The following CNTNAP5 variants were observed in gnomAD, a reference collection of about 807,000 sequenced individuals.
CNTNAP5 encodes the protein contactin-associated protein-like 5.
In CNTNAP5, 72 loss-of-function variants were observed where a neutral mutation model predicts 150.2. The observed-to-expected ratio is 0.48, with a 90% CI of 0.40 to 0.58. CNTNAP5 has a LOEUF of 0.58. Ranked by LOEUF, CNTNAP5 falls within the 20% of genes least tolerant of loss-of-function variation. CNTNAP5 has a pLI of 0.00. For missense variants in CNTNAP5, 1,636 were observed against 1,626.2 expected (o/e 1.01, Z -0.10); for synonymous variants, 672 against 619.8 (o/e 1.08, Z -1.25).
At chr2:124,301,870 T>A (rs1309820190) in intron 3 of CNTNAP5, among the ~76,000 whole-genome samples, 1 of 152,246 alleles carries the variant, frequency 6.6e-6, no homozygotes, top group African/African-American at 2.4e-5. Flanking sequence ...TTATGGACTA[T>A]ATTTTATTAT....
intron 13 of CNTNAP5, among the ~76,000 whole-genome samples, chr2:124,654,002 T>C (rs1412949722): frequency 7.1e-6 from 1 of 141,094 alleles, no homozygotes; most frequent in Admixed American, 7.9e-5. Flanking sequence ...TATCAGTGGA[T>C]GTGGGGAGCT....
intron 8 of CNTNAP5, among the ~76,000 whole-genome samples, chr2:124,509,206 A>G (rs1470400650): frequency 1.3e-5 from 2 of 152,196 alleles, no homozygotes; most frequent in African/African-American, 4.8e-5. Context: ...AGTAGTTCTT[A>G]TTTAGGGATT....
chr2:124,671,477 G>GA (rs2105057832), intron 13 of CNTNAP5, among the ~76,000 whole-genome samples: 1 of 152,092 alleles, frequency 6.6e-6, no homozygotes, highest in Admixed American at 6.5e-5. Flanking sequence ...GACAAAGGAG[G>GA]AAAAAATGTA....
At chr2:124,552,665 A>G (rs1413186550) in intron 10 of CNTNAP5, among the ~76,000 whole-genome samples, 5 of 152,206 alleles carry the variant, frequency 3.3e-5, no homozygotes, top group Admixed American at 3.3e-4. Flanking sequence ...TTGTGTGTGT[A>G]TATATGTGTG....
chr2:124,518,063 A>G (rs935017583), intron 8 of CNTNAP5, among the ~76,000 whole-genome samples: 1 of 152,004 alleles, frequency 6.6e-6, no homozygotes, highest in Non-Finnish European at 1.5e-5. Flanking sequence ...ATACCACAAG[A>G]CACCTACTCC....
intron 8 of CNTNAP5, among the ~76,000 whole-genome samples, chr2:124,513,964 A>T (rs1159326577): frequency 6.6e-6 from 1 of 152,198 alleles, no homozygotes; most frequent in East Asian, 1.9e-4. Flanking sequence ...ACGAGGCCGC[A>T]AGCTTCATCC....
intron 3 of CNTNAP5, among the ~76,000 whole-genome samples, chr2:124,248,695 C>T (rs896475251): frequency 1.3e-5 from 2 of 152,206 alleles, no homozygotes; most frequent in Non-Finnish European, 2.9e-5. Flanking sequence ...TGGGGCCTAA[C>T]CTCTTTAAGG....
chr2:124,806,973 T>C (rs1419058588), intron 19 of CNTNAP5, among the ~76,000 whole-genome samples: 4 of 152,004 alleles, frequency 2.6e-5, no homozygotes, highest in Non-Finnish European at 5.9e-5. Context: ...GTTTAGCTTT[T>C]GGACTGGAAC....
At chr2:124,876,291 T>C (rs1413644782) in intron 21 of CNTNAP5, among the ~76,000 whole-genome samples, 1 of 152,014 alleles carries the variant, frequency 6.6e-6, no homozygotes, top group Non-Finnish European at 1.5e-5. Flanking sequence ...CACCCAGCTA[T>C]GGCTGTGAAG....
chr2:124,529,658 G>A (rs929577951), intron 10 of CNTNAP5, among the ~76,000 whole-genome samples: 6 of 152,140 alleles, frequency 3.9e-5, no homozygotes, highest in African/African-American at 1.4e-4. Context: ...AACGTGAGCT[G>A]GATTTCAGGT....
intron 12 of CNTNAP5, among the ~76,000 whole-genome samples, chr2:124,640,696 G>A (rs1678072454): frequency 6.6e-6 from 1 of 152,116 alleles, no homozygotes; most frequent in Non-Finnish European, 1.5e-5. Flanking sequence ...AAGGTGCAAT[G>A]TACCCCCTCA....
At position 124,889,078 on chromosome 2, in the gene CNTNAP5, C is replaced by CTTT. The variant is rs761790564; in HGVS notation, c.3437-13778_3437-13776dup. On this transcript the variant is annotated intron_variant, in intron 21 of 23. Transcript: ENST00000682447. ...AGGATTCTTATAGTTTGAGGTCTAG[C>CTTT]TTTTTTTTTTTTTTTTTTTTTTTTT... 3.1e-4 allele frequency among the ~76,000 whole-genome samples: 21 copies of CTTT among 68,788 alleles called. 1 individual carries two copies. Among genetic ancestry groups the CTTT allele is most frequent in the Non-Finnish European group, 4.4e-4 (15 of 34,242 alleles). 45.1% of individuals were successfully genotyped at this position (68,788 alleles called of 152,430 possible).
chr2:124,902,057 C>T (rs1256402848), intron 21 of CNTNAP5, among the ~76,000 whole-genome samples: 1 of 151,846 alleles, frequency 6.6e-6, no homozygotes, highest in African/African-American at 2.4e-5. Context: ...GACTATTACA[C>T]CTTAGGAAAA....
At chr2:124,535,821 G>A (rs928743024) in intron 10 of CNTNAP5, among the ~76,000 whole-genome samples, 1 of 151,854 alleles carries the variant, frequency 6.6e-6, no homozygotes, top group Non-Finnish European at 1.5e-5. Flanking sequence ...AAAAGAAAGT[G>A]TCTACTGAAC....
At chr2:124,217,771 C>T (rs1262744506) in intron 1 of CNTNAP5, among the ~76,000 whole-genome samples, 1 of 152,180 alleles carries the variant, frequency 6.6e-6, no homozygotes, top group Non-Finnish European at 1.5e-5. Flanking sequence ...AATTCATATA[C>T]TGCTTCCTAT....
rs147870819 is a variant in CNTNAP5 at position 124,192,498 on chromosome 2, C to T, written c.83-29207C>T. Among the ~76,000 whole-genome samples, 389 of 152,248 alleles carry T rather than the reference C, an allele frequency of 2.6e-3. 1 individual carries two copies. Among genetic ancestry groups the T allele is most frequent in the African/African-American group, 8.8e-3 (365 of 41,556 alleles). On this transcript the variant is annotated intron_variant, in intron 1 of 23. Transcript: ENST00000682447. Reference sequence around the variant, plus strand: ...TTAACTCTATTCCCCCCAAACCATGCGTCTGATGGTGCCAGTGGCTTCCTG... The same window carrying T: ...TTAACTCTATTCCCCCCAAACCATGTGTCTGATGGTGCCAGTGGCTTCCTG...
At chr2:124,600,789 CA>C (rs1696970937) in intron 11 of CNTNAP5, among the ~76,000 whole-genome samples, 2 of 141,562 alleles carry the variant, frequency 1.4e-5, no homozygotes, top group East Asian at 4.2e-4. Context: ...AAGAGAGAAG[CA>C]AAAACCACAG....
intron 6 of CNTNAP5, among the ~76,000 whole-genome samples, chr2:124,451,054 A>ATC (rs1323379434): frequency 4.6e-5 from 2 of 43,778 alleles, no homozygotes; most frequent in Admixed American, 6.0e-4. Context: ...AAAAAAAAAT[A>ATC]TATATATATA....
rs1334635400 is a variant in CNTNAP5 at position 124,806,267 on chromosome 2, T to C, written c.3217+7947T>C. Among the ~76,000 whole-genome samples, 7 of 151,946 alleles carry C rather than the reference T, an allele frequency of 4.6e-5. No individual in the cohort carries two copies. In the South Asian group the frequency reaches 1.5e-3, roughly 32 times the overall value. ...GTAGGAGGAGAAGTTACATATACAGTGAGAGGGGAAATGCCCTATAGAATC... is the reference window on the plus strand; with the variant it reads ...GTAGGAGGAGAAGTTACATATACAGCGAGAGGGGAAATGCCCTATAGAATC... On this transcript the variant is annotated intron_variant, in intron 19 of 23. Coordinates refer to ENST00000682447, the MANE Select transcript of CNTNAP5 (RefSeq NM_001367498.1).
Sources: gnomAD v4.1 joint callset for allele counts (sites outside exome capture counted in the v4.1 genomes callset) on GRCh38, gnomAD v4.1.1 for gene constraint, MANE v1.5 for transcripts, NCBI Gene and HGNC (gene_info 2026-07-23, HGNC 2026-07-21) for gene names.